RALYL: variants seen among roughly 807,000 people sequenced by gnomAD.
RALYL encodes the protein RALY RNA binding protein like.
In RALYL, 29 loss-of-function variants were observed where a neutral mutation model predicts 35.1. The observed-to-expected ratio is 0.83, with a 90% CI of 0.61 to 1.13. The LOEUF is 1.13. Among genes scored for constraint, RALYL ranks in the 50% most tolerant of loss-of-function variants. The probability of loss-of-function intolerance (pLI) is 0.00; values close to 1 mark genes in which losing one functional copy is unlikely to be tolerated. For missense variants in RALYL, 359 were observed against 360.4 expected (o/e 1.00, Z 0.03); for synonymous variants, 120 against 127.6 (o/e 0.94, Z 0.40).
intron 1 of RALYL, among the ~76,000 whole-genome samples, chr8:84,275,242 G>C (rs1275742993): frequency 6.6e-6 from 1 of 151,894 alleles, no homozygotes; most frequent in African/African-American, 2.4e-5. Flanking sequence ...TGAAATCTTA[G>C]CTTGCTATTT....
intron 2 of RALYL, among the ~76,000 whole-genome samples, chr8:84,573,644 C>T (rs574765666): frequency 6.6e-6 from 1 of 151,780 alleles, no homozygotes; most frequent in Admixed American, 6.6e-5. Flanking sequence ...TTTTGAACTC[C>T]AATCCACGTA....
chr8:84,693,765 T>G (rs1008812720), intron 2 of RALYL, among the ~76,000 whole-genome samples: 7 of 151,898 alleles, frequency 4.6e-5, no homozygotes, highest in Non-Finnish European at 1.0e-4. Flanking sequence ...GAATCAGTGA[T>G]CATTATCAAG....
chr8:84,632,799 C>A (rs938094380), intron 2 of RALYL, among the ~76,000 whole-genome samples: 1 of 152,004 alleles, frequency 6.6e-6, no homozygotes, highest in Non-Finnish European at 1.5e-5. Context: ...TGAAGGAGAG[C>A]TTTTCCCAGA....
chr8:84,709,139 T>C (rs1444528389), intron 2 of RALYL, among the ~76,000 whole-genome samples: 5 of 152,208 alleles, frequency 3.3e-5, no homozygotes, highest in African/African-American at 1.2e-4. Flanking sequence ...CTATTATTTC[T>C]GTGGGTTGCA....
chr8:84,497,808 A>AT (rs1564035425), intron 1 of RALYL, among the ~76,000 whole-genome samples: 1 of 151,306 alleles, frequency 6.6e-6, no homozygotes, highest in East Asian at 1.9e-4. Flanking sequence ...CAGCCAGCTA[A>AT]TTTTTTGTGT....
intron 2 of RALYL, among the ~76,000 whole-genome samples, chr8:84,727,886 G>A (rs1403379489): frequency 3.9e-5 from 6 of 151,974 alleles, no homozygotes; most frequent in Admixed American, 6.6e-5. Context: ...TTGGACATTC[G>A]GGTTGGTTCC....
intron 1 of RALYL, among the ~76,000 whole-genome samples, chr8:84,288,019 G>A (rs1205866462): frequency 2.6e-5 from 4 of 152,120 alleles, no homozygotes; most frequent in African/African-American, 9.7e-5. Flanking sequence ...TAAATGGAAT[G>A]AGATTGATCC....
At chr8:84,449,715 A>C (rs925569502) in intron 1 of RALYL, among the ~76,000 whole-genome samples, 1 of 151,970 alleles carries the variant, frequency 6.6e-6, no homozygotes, top group Admixed American at 6.6e-5. Context: ...TTAAATTTTT[A>C]TATTTTACCT....
At chr8:84,805,262 A>G (rs1270284068) in intron 4 of RALYL, among the ~76,000 whole-genome samples, 2 of 152,088 alleles carry the variant, frequency 1.3e-5, no homozygotes, top group African/African-American at 4.8e-5. Context: ...ATTTCACTTT[A>G]ATTTCTCCAG....
At chr8:84,268,588 C>T (rs1833742597) in intron 1 of RALYL, among the ~76,000 whole-genome samples, 1 of 152,092 alleles carries the variant, frequency 6.6e-6, no homozygotes, top group South Asian at 2.1e-4. Context: ...ACCTCTTTTA[C>T]AAATTAGTTA....
intron 1 of RALYL, among the ~76,000 whole-genome samples, chr8:84,293,922 T>C (rs1368325299): frequency 6.6e-6 from 1 of 152,092 alleles, no homozygotes; most frequent in African/African-American, 2.4e-5. Flanking sequence ...TTTTTCTTCT[T>C]GCAGCAGTCC....
intron 3 of RALYL, among the ~76,000 whole-genome samples, chr8:84,786,170 A>G (rs977108360): frequency 6.6e-6 from 1 of 152,170 alleles, no homozygotes; most frequent in African/African-American, 2.4e-5. Context: ...TCATTTTTTT[A>G]TGGCAGCATA....
At chr8:84,752,297 A>T (rs891847105) in intron 2 of RALYL, among the ~76,000 whole-genome samples, 1 of 152,216 alleles carries the variant, frequency 6.6e-6, no homozygotes, top group Non-Finnish European at 1.5e-5. Context: ...GCCACAAAGC[A>T]TTCACAGTGA....
At chr8:84,643,853 G>A (rs963820595) in intron 2 of RALYL, among the ~76,000 whole-genome samples, 1 of 151,978 alleles carries the variant, frequency 6.6e-6, no homozygotes, top group Non-Finnish European at 1.5e-5. Context: ...TACTGAGTAC[G>A]AGGTCTGTAT....
At chr8:84,594,393 C>A (rs940906217) in intron 2 of RALYL, among the ~76,000 whole-genome samples, 1 of 151,850 alleles carries the variant, frequency 6.6e-6, no homozygotes, top group African/African-American at 2.4e-5. Flanking sequence ...AATGTTCTTT[C>A]TTTTTTGATC....
intron 2 of RALYL, among the ~76,000 whole-genome samples, chr8:84,768,939 CTAAG>C (rs1286312675): frequency 6.6e-6 from 1 of 152,090 alleles, no homozygotes; most frequent in African/African-American, 2.4e-5. Context: ...TGCTGTCAAT[CTAAG>C]TGTGTTTTCA....
chr8:84,790,162 A>C (rs1820440154), intron 3 of RALYL, among the ~76,000 whole-genome samples: 4 of 152,218 alleles, frequency 2.6e-5, no homozygotes, highest in Admixed American at 2.6e-4. Flanking sequence ...ACAAAGCTCC[A>C]GTCCTGGAAT....
chr8:84,728,907 G>A (rs1347577506), intron 2 of RALYL, among the ~76,000 whole-genome samples: 9 of 152,240 alleles, frequency 5.9e-5, no homozygotes, highest in South Asian at 4.1e-4. Context: ...GTCAGGTAGC[G>A]TGATGCCTCC....
intron 1 of RALYL, among the ~76,000 whole-genome samples, chr8:84,209,755 T>C (rs2131143094): frequency 6.6e-6 from 1 of 152,286 alleles, no homozygotes; most frequent in South Asian, 2.1e-4. Flanking sequence ...ATCAGATAAA[T>C]GAAAAACATG....
Sources: allele counts gnomAD v4.1 joint callset (sites outside exome capture counted in the v4.1 genomes callset), GRCh38; gene constraint gnomAD v4.1.1; transcripts MANE v1.5; gene names NCBI Gene and HGNC (gene_info 2026-07-23, HGNC 2026-07-21).